WDPCP: variants seen among roughly 807,000 people sequenced by gnomAD.
WDPCP encodes the protein WD repeat-containing and planar cell polarity effector protein fritz homolog.
A neutral mutation model predicts 93.1 loss-of-function variants in WDPCP; 71 were observed. The ratio of observed to expected loss-of-function variants is 0.76; its 90% CI spans 0.63 to 0.93. The LOEUF (loss-of-function observed/expected upper bound fraction) is 0.93, where lower values mean the gene tolerates loss of function less well. Ranked by LOEUF, WDPCP falls within the 40% of genes least tolerant of loss-of-function variation. The pLI, the probability that WDPCP is intolerant of heterozygous loss-of-function variation, is 0.00. For synonymous variants in WDPCP, 315 were observed against 315.0 expected (o/e 1.00, Z 0.00); for missense variants, 844 against 887.4 (o/e 0.95, Z 0.62).
intron 2 of WDPCP, among the ~76,000 whole-genome samples, chr2:63,729,401 A>G (rs1472418096): frequency 6.6e-6 from 1 of 152,208 alleles, no homozygotes; most frequent in Non-Finnish European, 1.5e-5. Flanking sequence ...TGGAGTAAAA[A>G]TAAATGAATA....
chr2:63,610,580 A>G (rs953946123), intron 3 of WDPCP, among the ~76,000 whole-genome samples: 4 of 151,832 alleles, frequency 2.6e-5, no homozygotes, highest in Non-Finnish European at 5.9e-5. Context: ...AAAAAAAAAA[A>G]GGAATACATA....
intron 2 of WDPCP, among the ~76,000 whole-genome samples, chr2:63,488,248 C>G (rs922352281): frequency 6.6e-6 from 1 of 151,954 alleles, no homozygotes; most frequent in Non-Finnish European, 1.5e-5. Context: ...TTCTCAGTTA[C>G]TAACATAAGG....
intron 1 of WDPCP, among the ~76,000 whole-genome samples, chr2:63,534,662 G>C (rs907327948): frequency 2.6e-5 from 4 of 152,032 alleles, no homozygotes; most frequent in Non-Finnish European, 2.9e-5. Flanking sequence ...ATTCAACAGC[G>C]CTTCATGCTA....
chr2:63,594,774 C>T, intron 3 of WDPCP: 1 of 511,752 alleles, frequency 2.0e-6, no homozygotes, highest in Non-Finnish European at 3.5e-6. Flanking sequence ...ACTGAAAACA[C>T]TTTGCAAATG....
At chr2:63,404,922 A>AT (rs1341780535) in intron 9 of WDPCP, among the ~76,000 whole-genome samples, 3 of 152,222 alleles carry the variant, frequency 2.0e-5, no homozygotes, top group Non-Finnish European at 2.9e-5. Flanking sequence ...AAACTATAAG[A>AT]TTTTAACTTT....
At chr2:63,231,205 A>G (rs1407455398) in intron 14 of WDPCP, among the ~76,000 whole-genome samples, 3 of 152,148 alleles carry the variant, frequency 2.0e-5, no homozygotes, top group Non-Finnish European at 4.4e-5. Context: ...TATTTATGAC[A>G]AACCCACAGC....
intron 12 of WDPCP, among the ~76,000 whole-genome samples, chr2:63,364,816 G>A (rs1690769868): frequency 6.6e-6 from 1 of 152,050 alleles, no homozygotes; most frequent in South Asian, 2.1e-4. Context: ...TTCATATTCA[G>A]ACTGCATGCT....
chr2:63,382,848 A>C (rs1692422962), intron 10 of WDPCP, among the ~76,000 whole-genome samples: 1 of 152,176 alleles, frequency 6.6e-6, no homozygotes, highest in Non-Finnish European at 1.5e-5. Flanking sequence ...CTAAGCAGTA[A>C]AACTTTACTA....
chr2:63,274,107 A>T (rs1399455085), intron 13 of WDPCP, among the ~76,000 whole-genome samples: 1 of 152,172 alleles, frequency 6.6e-6, no homozygotes, highest in East Asian at 1.9e-4. Context: ...TTAGGCCACA[A>T]AACAACTCTC....
At chr2:63,654,153 T>C (rs1400338438) in intron 2 of WDPCP, among the ~76,000 whole-genome samples, 1 of 151,974 alleles carries the variant, frequency 6.6e-6, no homozygotes, top group Non-Finnish European at 1.5e-5. Context: ...AAATAAATTT[T>C]TAGAGATGAA....
chr2:63,477,349 T>C (rs1024007245), intron 6 of WDPCP, among the ~76,000 whole-genome samples: 6 of 152,130 alleles, frequency 3.9e-5, no homozygotes, highest in Non-Finnish European at 7.4e-5. Context: ...GTGAGAAATA[T>C]ATTAAATAGC....
At chr2:63,141,002 G>A (rs1197143514) in intron 17 of WDPCP, among the ~76,000 whole-genome samples, 1 of 152,020 alleles carries the variant, frequency 6.6e-6, no homozygotes, top group African/African-American at 2.4e-5. Context: ...TGCTGATTTT[G>A]CTGAGAGTTT....
At chr2:63,527,567 G>C (rs1044684984) in intron 1 of WDPCP, among the ~76,000 whole-genome samples, 4 of 152,040 alleles carry the variant, frequency 2.6e-5, no homozygotes, top group African/African-American at 9.7e-5. Flanking sequence ...TTTTATGGCT[G>C]CATAGTATTC....
intron 6 of WDPCP, among the ~76,000 whole-genome samples, chr2:63,445,279 TAAAC>T (rs1697774775): frequency 6.6e-6 from 1 of 151,834 alleles, no homozygotes; most frequent in South Asian, 2.1e-4. Context: ...GAACAAGAAA[TAAAC>T]AAGTATTTTT....
At chr2:63,649,750 C>T (rs964086052) in intron 3 of WDPCP, among the ~76,000 whole-genome samples, 16 of 152,140 alleles carry the variant, frequency 1.1e-4, no homozygotes, top group African/African-American at 3.9e-4. Context: ...TAATTTGGTA[C>T]TCTGACTCCT....
intron 1 of WDPCP, among the ~76,000 whole-genome samples, chr2:63,527,860 T>C (rs1703470599): frequency 6.6e-6 from 1 of 152,036 alleles, no homozygotes; most frequent in African/African-American, 2.4e-5. Context: ...TTCTTATTTC[T>C]CCACAGCCTC....
At chr2:63,140,590 G>T (rs1167214271) in intron 17 of WDPCP, among the ~76,000 whole-genome samples, 6 of 149,202 alleles carry the variant, frequency 4.0e-5, no homozygotes, top group African/African-American at 1.5e-4. Flanking sequence ...AAAAGGGGTT[G>T]AGTTCTTGAT....
intron 2 of WDPCP, among the ~76,000 whole-genome samples, chr2:63,804,138 G>C (rs1670730676): frequency 6.6e-6 from 1 of 152,020 alleles, no homozygotes; most frequent in Non-Finnish European, 1.5e-5. Context: ...TTCGTATCTA[G>C]AGCAGGGGTG....
intron 17 of WDPCP, among the ~76,000 whole-genome samples, chr2:63,146,985 G>T (rs1245600474): frequency 6.6e-6 from 1 of 152,160 alleles, no homozygotes; most frequent in Non-Finnish European, 1.5e-5. Context: ...TACTGAGAAG[G>T]TACCTAAGCC....
Sources: allele counts gnomAD v4.1 joint callset (sites outside exome capture counted in the v4.1 genomes callset), GRCh38; gene constraint gnomAD v4.1.1; transcripts MANE v1.5; gene names NCBI Gene and HGNC (gene_info 2026-07-23, HGNC 2026-07-21).